The following GSK3B variants were observed in gnomAD, a reference collection of about 807,000 sequenced individuals.
The protein encoded by GSK3B is glycogen synthase kinase-3 beta.
In GSK3B, 15 loss-of-function variants were observed where a neutral mutation model predicts 56.4. That is an observed-to-expected ratio of 0.27 (90% CI 0.18 to 0.41). GSK3B has a LOEUF of 0.41. Ranked by LOEUF, GSK3B falls within the 10% of genes least tolerant of loss-of-function variation. The pLI is 1.00. For synonymous variants in GSK3B, 181 were observed against 188.9 expected (o/e 0.96, Z 0.34); for missense variants, 300 against 513.4 (o/e 0.58, Z 4.02).
intron 2 of GSK3B, among the ~76,000 whole-genome samples, chr3:119,965,343 T>C (rs1224105152): frequency 6.6e-6 from 1 of 150,678 alleles, no homozygotes; most frequent in African/African-American, 2.4e-5. Context: ...AGACTACAGG[T>C]GTTAGCCACC....
At position 119,849,911 on chromosome 3, in the gene GSK3B, G is replaced by C. The variant is rs571066112; in HGVS notation, c.1097-6558C>G. Reference sequence around the variant, plus strand: ...GCTCACTGCAACCTCTGCCTCCTGGGTTCACGCGATTCTCGTGCATGAGCC... The same window carrying C: ...GCTCACTGCAACCTCTGCCTCCTGGCTTCACGCGATTCTCGTGCATGAGCC... On this transcript the variant is annotated intron_variant, in intron 9 of 10. Transcript: ENST00000264235. 1.4e-4 allele frequency among the ~76,000 whole-genome samples: 22 copies of C among 152,062 alleles called. 1 individual carries two copies. The highest frequency in any genetic ancestry group is 4.8e-4 in the African/African-American group (20 of 41,468).
At chr3:120,088,548 G>A (rs185595915) in intron 1 of GSK3B, among the ~76,000 whole-genome samples, 25 of 152,134 alleles carry the variant, frequency 1.6e-4, no homozygotes, top group East Asian at 7.7e-4. Context: ...TGCAACCTCC[G>A]CTTTAATGAA....
At chr3:120,070,833 T>C (rs2058321090) in intron 1 of GSK3B, among the ~76,000 whole-genome samples, 1 of 152,228 alleles carries the variant, frequency 6.6e-6, no homozygotes, top group African/African-American at 2.4e-5. Flanking sequence ...AGTGCCAACG[T>C]AGTTCAAAAG....
intron 1 of GSK3B, among the ~76,000 whole-genome samples, chr3:120,045,245 GAT>G (rs2058093387): frequency 1.3e-5 from 2 of 152,176 alleles, no homozygotes; most frequent in Admixed American, 1.3e-4. Context: ...GGAACTGTAA[GAT>G]ATAATGAATT....
chr3:119,992,734 A>T (rs1010125209), intron 2 of GSK3B, among the ~76,000 whole-genome samples: 5 of 152,096 alleles, frequency 3.3e-5, no homozygotes, highest in African/African-American at 7.2e-5. Context: ...TTGATTGGGA[A>T]AAATCAAAAT....
intron 3 of GSK3B, among the ~76,000 whole-genome samples, chr3:119,946,786 T>TC (rs2057104366): frequency 6.6e-6 from 1 of 152,144 alleles, no homozygotes; most frequent in South Asian, 2.1e-4. Flanking sequence ...CTCTGCAATA[T>TC]TACATCTTTT....
At chr3:120,070,624 A>C (rs2058319242) in intron 1 of GSK3B, among the ~76,000 whole-genome samples, 1 of 152,206 alleles carries the variant, frequency 6.6e-6, no homozygotes, top group Non-Finnish European at 1.5e-5. Flanking sequence ...GTCGTGTCTG[A>C]AATCTTTCAC....
At chr3:120,079,831 T>C (rs915115956) in intron 1 of GSK3B, among the ~76,000 whole-genome samples, 2 of 152,248 alleles carry the variant, frequency 1.3e-5, no homozygotes, top group East Asian at 1.9e-4. Context: ...AAGTATTTGC[T>C]ACTTACAGAG....
intron 1 of GSK3B, among the ~76,000 whole-genome samples, chr3:120,081,691 G>C (rs1307808647): frequency 6.6e-6 from 1 of 152,120 alleles, no homozygotes; most frequent in African/African-American, 2.4e-5. Context: ...CCTTCAACTA[G>C]AATATGTACT....
intron 2 of GSK3B, among the ~76,000 whole-genome samples, chr3:119,961,183 T>C (rs2057268133): frequency 6.6e-6 from 1 of 152,000 alleles, no homozygotes; most frequent in African/African-American, 2.4e-5. Flanking sequence ...CTCCAGCTAA[T>C]CTCTCCAAAG....
chr3:119,991,757 T>G (rs2057567564), intron 2 of GSK3B, among the ~76,000 whole-genome samples: 1 of 152,078 alleles, frequency 6.6e-6, no homozygotes, highest in Non-Finnish European at 1.5e-5. Flanking sequence ...AATTTTATTT[T>G]TTGGCCACAA....
intron 7 of GSK3B, among the ~76,000 whole-genome samples, chr3:119,904,295 G>C (rs1336111215): frequency 1.3e-5 from 2 of 151,986 alleles, no homozygotes; most frequent in Non-Finnish European, 2.9e-5. Flanking sequence ...TGATGGGGTA[G>C]GCTTTTAGAA....
At chr3:120,003,156 TTATATAAGCATATCAC>T in intron 1 of GSK3B, among the ~76,000 whole-genome samples, 1 of 152,154 alleles carries the variant, frequency 6.6e-6, no homozygotes, top group East Asian at 1.9e-4. Context: ...TGAGGCCCAA[TTATATAAGCATATCAC>T]TGGCTCCAGG....
chr3:119,920,134 T>C (rs1486066433), intron 4 of GSK3B, among the ~76,000 whole-genome samples: 2 of 152,244 alleles, frequency 1.3e-5, no homozygotes, highest in African/African-American at 4.8e-5. Context: ...AAATATTTTA[T>C]ATGAATTTTA....
At position 119,825,238 on chromosome 3, in the gene GSK3B, C is replaced by T. The variant is rs1272482507; in HGVS notation, c.*1550G>A. ...TTCATTTTAGAGTATATAAGGCCCA[C>T]ATAGATGCCAACCTTAAAAGTATAA... On this transcript the variant is annotated 3_prime_UTR_variant, in exon 11 of 11. Transcript: ENST00000264235. The T allele has an allele frequency of 4.4e-6, 1 of 228,332 alleles. No homozygotes were observed. Among genetic ancestry groups the T allele is most frequent in the Non-Finnish European group, 8.7e-6 (1 of 115,046 alleles). The allele number at this position is 228,332 out of a possible 1,614,324, so 14.1% of individuals were successfully genotyped here.
intron 7 of GSK3B, among the ~76,000 whole-genome samples, chr3:119,879,297 C>G (rs2056352168): frequency 6.6e-6 from 1 of 152,176 alleles, no homozygotes; most frequent in East Asian, 1.9e-4. Context: ...TCTCCTGCCT[C>G]AGCCTCCCGA....
chr3:119,838,764 T>C (rs2055729855), intron 10 of GSK3B, among the ~76,000 whole-genome samples: 1 of 152,204 alleles, frequency 6.6e-6, no homozygotes, highest in South Asian at 2.1e-4. Context: ...TTTATGATTA[T>C]ATATATTATG....
intron 9 of GSK3B, among the ~76,000 whole-genome samples, chr3:119,845,469 G>A (rs1027788446): frequency 1.3e-5 from 2 of 152,108 alleles, no homozygotes; most frequent in Non-Finnish European, 1.5e-5. Flanking sequence ...CAGCAAAGTC[G>A]CAGGATACAA....
chr3:119,989,914 TC>T (rs1290040765), intron 2 of GSK3B, among the ~76,000 whole-genome samples: 5 of 151,990 alleles, frequency 3.3e-5, no homozygotes, highest in African/African-American at 1.2e-4. Context: ...AAACTCTCCA[TC>T]CCCTAGTCAG....
Sources: allele counts gnomAD v4.1 joint callset (sites outside exome capture counted in the v4.1 genomes callset), GRCh38; gene constraint gnomAD v4.1.1; transcripts MANE v1.5; gene names NCBI Gene and HGNC (gene_info 2026-07-23, HGNC 2026-07-21).